Variants in CRADD observed in about 807,000 individuals in gnomAD.
CRADD encodes death domain-containing protein CRADD.
Under a neutral mutation model 15.5 loss-of-function variants are expected in CRADD, and 9 were observed. The observed-to-expected ratio is 0.58, with a 90% CI of 0.35 to 1.01. The LOEUF is 1.01. Among genes scored for constraint, CRADD ranks in the 50% least tolerant of loss-of-function variants. The pLI, the probability that CRADD is intolerant of heterozygous loss-of-function variation, is 0.02. For synonymous variants in CRADD, 118 were observed against 107.6 expected (o/e 1.10, Z -0.60); for missense variants, 227 against 250.3 (o/e 0.91, Z 0.63).
intron 2 of CRADD, among the ~76,000 whole-genome samples, chr12:93,783,670 C>T (rs1425106149): frequency 1.3e-5 from 2 of 152,046 alleles, no homozygotes; most frequent in Non-Finnish European, 1.5e-5. Flanking sequence ...TTTATTTATG[C>T]TTGTTCTTCA....
At chr12:93,766,909 T>C (rs1957032258) in intron 2 of CRADD, among the ~76,000 whole-genome samples, 1 of 152,214 alleles carries the variant, frequency 6.6e-6, no homozygotes, top group African/African-American at 2.4e-5. Context: ...AACTTTCCTA[T>C]AGGGACTCTC....
intron 2 of CRADD, among the ~76,000 whole-genome samples, chr12:93,698,549 A>T (rs1346824545): frequency 6.6e-6 from 1 of 152,178 alleles, no homozygotes; most frequent in Non-Finnish European, 1.5e-5. Context: ...TCTGCTGTTT[A>T]AAGTATTTTG....
intron 2 of CRADD, among the ~76,000 whole-genome samples, chr12:93,697,805 T>G (rs1453234631): frequency 1.3e-5 from 2 of 152,132 alleles, no homozygotes; most frequent in Non-Finnish European, 2.9e-5. Context: ...ACAGGAACTT[T>G]TATAAGGGAG....
intron 2 of CRADD, among the ~76,000 whole-genome samples, chr12:93,892,621 T>C (rs1436177314): frequency 2.0e-5 from 3 of 152,052 alleles, no homozygotes; most frequent in Non-Finnish European, 4.4e-5. Flanking sequence ...GGTGGGCACG[T>C]TGGGTGCCAG....
intron 2 of CRADD, among the ~76,000 whole-genome samples, chr12:93,838,888 G>A (rs926187822): frequency 2.0e-5 from 3 of 151,270 alleles, no homozygotes; most frequent in Non-Finnish European, 2.9e-5. Context: ...CCTCCCCACC[G>A]AGCACCTGGG....
chr12:93,790,320 G>C (rs1027097369), intron 2 of CRADD, among the ~76,000 whole-genome samples: 1 of 151,996 alleles, frequency 6.6e-6, no homozygotes, highest in Non-Finnish European at 1.5e-5. Flanking sequence ...TATAGGTGGG[G>C]GGAGGGGGAA....
chr12:93,781,646 A>G lies in CRADD; in HGVS notation c.299-68324A>G, dbSNP rs185958984. ...GATCTGATAGAAAAGAAACAGCACC[A>G]CCTGTGAAGTATTCTTACCCACATC... On this transcript the variant is annotated intron_variant, in intron 2 of 2. Coordinates refer to ENST00000332896, the MANE Select transcript of CRADD (RefSeq NM_003805.5). Among the ~76,000 whole-genome samples, 584 of 152,336 alleles carry G rather than the reference A, an allele frequency of 3.8e-3. 7 individuals are homozygous for G. The highest frequency in any genetic ancestry group is 0.013 in the African/African-American group (549 of 41,580).
intron 2 of CRADD, among the ~76,000 whole-genome samples, chr12:93,724,431 G>A (rs1956318784): frequency 6.6e-6 from 1 of 151,440 alleles, no homozygotes; most frequent in Non-Finnish European, 1.5e-5. Context: ...CTCTGTATCT[G>A]CCTGTCTGTT....
At chr12:93,778,528 G>A (rs940485683) in intron 2 of CRADD, among the ~76,000 whole-genome samples, 1 of 152,132 alleles carries the variant, frequency 6.6e-6, no homozygotes, top group Non-Finnish European at 1.5e-5. Flanking sequence ...CAAGGCCTTT[G>A]GGAAAACTTT....
chr12:93,692,478 A>G (rs947256342), intron 2 of CRADD, among the ~76,000 whole-genome samples: 1 of 152,206 alleles, frequency 6.6e-6, no homozygotes, highest in African/African-American at 2.4e-5. Flanking sequence ...CAGCAGCAAG[A>G]GAAAAGAAGC....
At chr12:93,685,076 T>G in intron 2 of CRADD, among the ~76,000 whole-genome samples, 1 of 152,208 alleles carries the variant, frequency 6.6e-6, no homozygotes, top group Non-Finnish European at 1.5e-5. Flanking sequence ...TCTGTTTCAG[T>G]TCGGTAAGAA....
intron 2 of CRADD, among the ~76,000 whole-genome samples, chr12:93,805,168 A>G (rs1263010061): frequency 6.6e-6 from 1 of 152,110 alleles, no homozygotes; most frequent in Non-Finnish European, 1.5e-5. Flanking sequence ...CTGAAGACCA[A>G]ATCATGTTGC....
downstream of CRADD, among the ~76,000 whole-genome samples, chr12:93,853,703 T>C (rs1958247402): frequency 6.6e-6 from 1 of 152,246 alleles, no homozygotes; most frequent in African/African-American, 2.4e-5. Flanking sequence ...TGCCTGATGA[T>C]CCAATCAGCT....
chr12:93,800,654 G>A (rs995526654), intron 2 of CRADD, among the ~76,000 whole-genome samples: 1 of 152,042 alleles, frequency 6.6e-6, no homozygotes, highest in Non-Finnish European at 1.5e-5. Flanking sequence ...TGCCATGATT[G>A]TAAGTTTCCT....
intron 2 of CRADD, among the ~76,000 whole-genome samples, chr12:93,893,228 C>T (rs1958589090): frequency 6.6e-6 from 1 of 152,170 alleles, no homozygotes. Flanking sequence ...CAGCAAAGCT[C>T]ATTTAAAGCA....
chr12:93,873,851 G>C (rs1263293803), intron 2 of CRADD, among the ~76,000 whole-genome samples: 3 of 151,952 alleles, frequency 2.0e-5, no homozygotes, highest in African/African-American at 7.2e-5. Flanking sequence ...ATATCCATCA[G>C]AGATATTGGC....
chr12:93,814,664 G>A (rs1178246287), intron 2 of CRADD, among the ~76,000 whole-genome samples: 1 of 152,116 alleles, frequency 6.6e-6, no homozygotes, highest in Non-Finnish European at 1.5e-5. Context: ...TGGCAGTCAC[G>A]AGGCCTGCAT....
intron 2 of CRADD, among the ~76,000 whole-genome samples, chr12:93,695,936 C>T (rs1235362503): frequency 6.6e-6 from 1 of 152,028 alleles, no homozygotes; most frequent in Non-Finnish European, 1.5e-5. Context: ...AGGATGGGAA[C>T]AGACATTTCT....
chr12:93,801,647 C>T (rs895628443), intron 2 of CRADD, among the ~76,000 whole-genome samples: 5 of 152,236 alleles, frequency 3.3e-5, no homozygotes, highest in African/African-American at 1.2e-4. Context: ...GATCCGCCTG[C>T]CTCAGCCTCC....
Sources: allele counts gnomAD v4.1 joint callset (sites outside exome capture counted in the v4.1 genomes callset), GRCh38; gene constraint gnomAD v4.1.1; transcripts MANE v1.5; gene names NCBI Gene and HGNC (gene_info 2026-07-23, HGNC 2026-07-21).